The following ELF1 variants were observed in gnomAD, a reference collection of about 807,000 sequenced individuals.
ELF1 encodes the protein ETS-related transcription factor Elf-1.
Under a neutral mutation model 59.9 loss-of-function variants are expected in ELF1, and 24 were observed. The ratio of observed to expected loss-of-function variants is 0.40; its 90% CI spans 0.29 to 0.56. The LOEUF (loss-of-function observed/expected upper bound fraction) is 0.56. Ranked by LOEUF, ELF1 falls within the 20% of genes least tolerant of loss-of-function variation. The pLI is 0.44. For synonymous variants in ELF1, 248 were observed against 266.2 expected, an observed-to-expected ratio of 0.93 and a Z score of 0.67; for missense variants, 627 against 742.2, an observed-to-expected ratio of 0.84 and a Z score of 1.80.
chr13:41,045,841 T>G (rs998309510), intron 1 of ELF1, among the ~76,000 whole-genome samples: 2 of 152,174 alleles, frequency 1.3e-5, no homozygotes, highest in Non-Finnish European at 2.9e-5. Flanking sequence ...TCCTTCCTTA[T>G]TAACTTTCTG....
At chr13:41,006,713 T>C (rs1874781379) in intron 1 of ELF1, among the ~76,000 whole-genome samples, 1 of 152,202 alleles carries the variant, frequency 6.6e-6, no homozygotes. Flanking sequence ...TGAAAACATT[T>C]TGAATAAAAT....
At chr13:41,022,000 G>A (rs895779841), upstream of ELF1, among the ~76,000 whole-genome samples, 6 of 152,178 alleles carry the variant, frequency 3.9e-5, no homozygotes, top group African/African-American at 1.4e-4. Flanking sequence ...AGATAGTTTA[G>A]CAGTTTCTAT....
chr13:41,043,654 T>C (rs1322351455), intron 1 of ELF1, among the ~76,000 whole-genome samples: 1 of 152,206 alleles, frequency 6.6e-6, no homozygotes, highest in African/African-American at 2.4e-5. Context: ...TTCTGTTCCA[T>C]TGGTCTATAT....
chr13:40,959,009 T>C lies in ELF1; in HGVS notation c.80A>G (p.Asp27Gly), dbSNP rs1247860558. Residue 27 changes from aspartate (D) to glycine (G), a missense_variant, in exon 3 of 9, where the codon GAT becomes GGT. Transcript: ENST00000239882. ...AATTACGGCAGGAAAAATAGCTGGA[T>C]CACCAAGCTGGGAAGGGTTAGGGAG... The part of the protein sequence containing the change: ...NVMEDERQLG[D>G]PAIFPAVIVE... 6.2e-7 allele frequency: 1 copy of C among 1,610,410 alleles called. No individual in the cohort carries two copies. Among genetic ancestry groups the C allele is most frequent in the Non-Finnish European group, 8.5e-7 (1 of 1,178,408 alleles).
chr13:41,027,805 G>C, intron 1 of ELF1, among the ~76,000 whole-genome samples: 1 of 152,154 alleles, frequency 6.6e-6, no homozygotes, highest in East Asian at 1.9e-4. Flanking sequence ...GGAATTCATT[G>C]GTCTTACCAT....
chr13:41,004,133 C>A (rs1010686825), intron 1 of ELF1, among the ~76,000 whole-genome samples: 8 of 151,970 alleles, frequency 5.3e-5, no homozygotes, highest in Admixed American at 1.3e-4. Flanking sequence ...AGATATGATC[C>A]TTGTCCCAAA....
At chr13:41,059,715 T>C (rs1877425999) in intron 1 of ELF1, among the ~76,000 whole-genome samples, 1 of 152,238 alleles carries the variant, frequency 6.6e-6, no homozygotes, top group African/African-American at 2.4e-5. Flanking sequence ...GCTCACATGC[T>C]GCTGACACAG....
chr13:40,993,348 C>T (rs1450151117), intron 1 of ELF1: 19 of 1,275,780 alleles, frequency 1.5e-5, no homozygotes, highest in Non-Finnish European at 2.1e-5. Context: ...CTACAAGACC[C>T]AATTAGCCAG....
At chr13:40,970,594 T>A (rs1872476492) in intron 2 of ELF1, among the ~76,000 whole-genome samples, 1 of 152,188 alleles carries the variant, frequency 6.6e-6, no homozygotes, top group South Asian at 2.1e-4. Flanking sequence ...CATGCAAAGA[T>A]GCTGCTTTGG....
intron 1 of ELF1, among the ~76,000 whole-genome samples, chr13:41,031,765 G>T (rs2138407994): frequency 7.0e-6 from 1 of 142,326 alleles, no homozygotes. Flanking sequence ...GTTGCTGTGA[G>T]CCAAGATCGT....
chr13:40,998,220 G>A (rs1320674971), intron 1 of ELF1, among the ~76,000 whole-genome samples: 2 of 152,162 alleles, frequency 1.3e-5, no homozygotes, highest in Non-Finnish European at 2.9e-5. Flanking sequence ...GCTTAGTACT[G>A]TAAGATATAT....
At chr13:41,018,753 C>T (rs761716444) in intron 1 of ELF1, among the ~76,000 whole-genome samples, 1 of 152,008 alleles carries the variant, frequency 6.6e-6, no homozygotes, top group Non-Finnish European at 1.5e-5. Context: ...TGAGCAACAC[C>T]TATGGCTGAG....
chr13:40,982,692 G>A (rs895880922), intron 1 of ELF1, among the ~76,000 whole-genome samples: 2 of 152,082 alleles, frequency 1.3e-5, no homozygotes, highest in South Asian at 4.2e-4. Flanking sequence ...ATTTCACAAC[G>A]TATATATTTT....
chr13:41,038,382 T>TG (rs1056387126), intron 1 of ELF1, among the ~76,000 whole-genome samples: 5 of 152,056 alleles, frequency 3.3e-5, no homozygotes, highest in African/African-American at 1.2e-4. Flanking sequence ...CCATGCATGG[T>TG]GGCTCAAGCC....
At chr13:40,936,020 A>G (rs1328001304) in intron 8 of ELF1, among the ~76,000 whole-genome samples, 1 of 152,186 alleles carries the variant, frequency 6.6e-6, no homozygotes, top group African/African-American at 2.4e-5. Context: ...ATAAAATAGT[A>G]CTTGGCATAT....
At chr13:40,949,274 C>T (rs1870696236) in intron 5 of ELF1, among the ~76,000 whole-genome samples, 1 of 152,042 alleles carries the variant, frequency 6.6e-6, no homozygotes, top group Admixed American at 6.5e-5. Context: ...GCATGAGCCA[C>T]CGCACCTGGC....
chr13:40,992,988 G>T, intron 1 of ELF1: 1 of 1,169,504 alleles, frequency 8.6e-7, no homozygotes, highest in Non-Finnish European at 1.3e-6. Flanking sequence ...GTCTTCACAG[G>T]CAATCCAGAA....
At chr13:41,022,061 CAAGAGAAATG>C (rs1219644492), upstream of ELF1, among the ~76,000 whole-genome samples, 1 of 152,062 alleles carries the variant, frequency 6.6e-6, no homozygotes, top group Non-Finnish European at 1.5e-5. Context: ...GGCATTTACC[CAAGAGAAATG>C]AAGATATGTG....
chr13:40,944,240 T>C (rs1442952520), intron 5 of ELF1, among the ~76,000 whole-genome samples: 2 of 152,238 alleles, frequency 1.3e-5, no homozygotes, highest in African/African-American at 2.4e-5. Context: ...GGTAGTGCTT[T>C]CTTAAACTTT....
Sources: allele counts gnomAD v4.1 joint callset (sites outside exome capture counted in the v4.1 genomes callset), GRCh38; gene constraint gnomAD v4.1.1; transcripts MANE v1.5; gene names NCBI Gene and HGNC (gene_info 2026-07-23, HGNC 2026-07-21).